Variants in TBXAS1 observed in about 807,000 individuals in gnomAD.
TBXAS1 encodes thromboxane A synthase 1.
TBXAS1 carries 48 observed loss-of-function variants against 60.7 expected under a neutral mutation model. The observed-to-expected ratio is 0.79, with a 90% CI of 0.63 to 1.01. The LOEUF (loss-of-function observed/expected upper bound fraction) is 1.01, where lower values mean the gene tolerates loss of function less well. Among genes scored for constraint, TBXAS1 ranks in the 50% least tolerant of loss-of-function variants. The pLI is 0.00. For missense variants in TBXAS1, 685 were observed against 686.3 expected, an observed-to-expected ratio of 1.00 and a Z score of 0.02; for synonymous variants, 287 against 269.7, an observed-to-expected ratio of 1.06 and a Z score of -0.63.
intron 9 of TBXAS1, among the ~76,000 whole-genome samples, chr7:139,968,706 AC>A (rs1810974822): frequency 6.6e-6 from 1 of 152,160 alleles, no homozygotes; most frequent in African/African-American, 2.4e-5. Flanking sequence ...CTCTTGTCCC[AC>A]CATCAAAATT....
chr7:139,905,105 CTT>C (rs1164299705), intron 3 of TBXAS1, among the ~76,000 whole-genome samples: 2 of 148,966 alleles, frequency 1.3e-5, no homozygotes, highest in East Asian at 2.0e-4. Flanking sequence ...CTCTCTCTCT[CTT>C]TCTTTCTCTT....
intron 1 of TBXAS1, among the ~76,000 whole-genome samples, chr7:139,831,352 C>T (rs562230277): frequency 3.3e-5 from 5 of 152,228 alleles, no homozygotes; most frequent in East Asian, 3.9e-4. Flanking sequence ...CCTTCTGTTC[C>T]GGGTGAGACT....
At chr7:139,904,442 T>C (rs1804815756) in intron 3 of TBXAS1, among the ~76,000 whole-genome samples, 1 of 151,116 alleles carries the variant, frequency 6.6e-6, no homozygotes, top group Admixed American at 6.6e-5. Context: ...CTTTTTTGGT[T>C]CCATATGCAT....
chr7:139,795,984 G>A (rs2116335586), intron 4 of TBXAS1, among the ~76,000 whole-genome samples: 1 of 152,216 alleles, frequency 6.6e-6, no homozygotes, highest in Middle Eastern at 3.4e-3. Flanking sequence ...CCTTAAGAAT[G>A]TGATGAATGC....
intron 9 of TBXAS1, among the ~76,000 whole-genome samples, chr7:139,967,818 GC>G (rs1810903975): frequency 6.6e-6 from 1 of 152,160 alleles, no homozygotes. Flanking sequence ...AGAATCTGTG[GC>G]CCCCAGATTA....
intron 9 of TBXAS1, among the ~76,000 whole-genome samples, chr7:140,001,672 G>T (rs752392921): frequency 2.6e-4 from 39 of 152,146 alleles, no homozygotes; most frequent in Non-Finnish European, 2.1e-4. Context: ...GATTATGGGC[G>T]TGAGCCACCG....
intron 4 of TBXAS1, among the ~76,000 whole-genome samples, chr7:139,814,455 G>A (rs77558918): frequency 0.097 from 14,711 of 152,188 alleles, 834 homozygotes; most frequent in Non-Finnish European, 0.13. Flanking sequence ...AAGCTTGATT[G>A]TATCCAGTTG....
chr7:139,888,557 G>A (rs1405827140), intron 3 of TBXAS1, among the ~76,000 whole-genome samples: 1 of 152,026 alleles, frequency 6.6e-6, no homozygotes, highest in Admixed American at 6.6e-5. Flanking sequence ...CCTGCTTCAT[G>A]ACTGTTCATG....
At chr7:139,844,788 G>A (rs1057499535) in intron 1 of TBXAS1, among the ~76,000 whole-genome samples, 1 of 152,152 alleles carries the variant, frequency 6.6e-6, no homozygotes, top group African/African-American at 2.4e-5. Context: ...ATCTAAGAGC[G>A]TACCTAAGGA....
intron 8 of TBXAS1, among the ~76,000 whole-genome samples, 192 bp downstream of exon 8, chr7:139,957,956 G>A (rs1810011840): frequency 6.6e-6 from 1 of 152,140 alleles, no homozygotes; most frequent in African/African-American, 2.4e-5. Flanking sequence ...AAGAAAGGGA[G>A]GGTGGGACGG....
chr7:140,012,136 C>T (rs1269725871), intron 10 of TBXAS1, among the ~76,000 whole-genome samples: 2 of 152,176 alleles, frequency 1.3e-5, no homozygotes, highest in East Asian at 1.9e-4. Flanking sequence ...GAGGGTATCT[C>T]GAGGACAAGC....
intron 4 of TBXAS1, among the ~76,000 whole-genome samples, chr7:139,812,256 C>T (rs531346753): frequency 7.9e-5 from 12 of 152,262 alleles, no homozygotes; most frequent in East Asian, 1.9e-4. Flanking sequence ...GGCTGAATTC[C>T]GACTGAGCAA....
intron 3 of TBXAS1, among the ~76,000 whole-genome samples, chr7:139,909,215 T>C (rs977522677): frequency 6.6e-6 from 1 of 152,226 alleles, no homozygotes; most frequent in Non-Finnish European, 1.5e-5. Flanking sequence ...TTTATGTCTT[T>C]TGCAAAATTC....
intron 4 of TBXAS1, among the ~76,000 whole-genome samples, chr7:139,790,765 A>G (rs555790009): frequency 3.0e-4 from 45 of 152,322 alleles, no homozygotes; most frequent in Admixed American, 9.8e-4. Flanking sequence ...GGAATGTGTA[A>G]TAAGTGACTG....
intron 2 of TBXAS1, among the ~76,000 whole-genome samples, chr7:139,873,364 C>G (rs1318061850): frequency 6.6e-6 from 1 of 152,138 alleles, no homozygotes; most frequent in Non-Finnish European, 1.5e-5. Flanking sequence ...TTGAAATGGA[C>G]AACACTCTGC....
At chr7:139,793,048 T>A (rs1797437638) in intron 4 of TBXAS1, among the ~76,000 whole-genome samples, 1 of 152,216 alleles carries the variant, frequency 6.6e-6, no homozygotes, top group Non-Finnish European at 1.5e-5. Context: ...GGTTATCTAC[T>A]ATGGGAATGG....
intron 2 of TBXAS1, among the ~76,000 whole-genome samples, chr7:139,873,489 G>A (rs1801983450): frequency 6.6e-6 from 1 of 152,172 alleles, no homozygotes; most frequent in African/African-American, 2.4e-5. Context: ...TGGATAATTG[G>A]GAGCAAAATG....
chr7:140,006,420 G>C lies in TBXAS1; in HGVS notation c.1135-671G>C, dbSNP rs1169711758. 3.7e-4 allele frequency among the ~76,000 whole-genome samples: 56 copies of C among 152,116 alleles called. 1 individual carries two copies. Among genetic ancestry groups the C allele is most frequent in the Admixed American group, 3.7e-3 (56 of 15,264 alleles). Reference sequence around the variant, plus strand: ...ATTTGCACCCCCTGAAATCTAATCAGCATTTTCCAGCTGTTCCTAATCTGA... The same window carrying C: ...ATTTGCACCCCCTGAAATCTAATCACCATTTTCCAGCTGTTCCTAATCTGA... On this transcript the variant is annotated intron_variant, in intron 9 of 12. Transcript: ENST00000448866.
intron 9 of TBXAS1, chr7:139,962,860 G>C (rs1479478031): frequency 6.5e-6 from 1 of 154,548 alleles, no homozygotes; most frequent in African/African-American, 2.4e-5. Context: ...ATGCTTGTGT[G>C]TGTATAACTT....
Sources: allele counts gnomAD v4.1 joint callset (sites outside exome capture counted in the v4.1 genomes callset), GRCh38; gene constraint gnomAD v4.1.1; transcripts MANE v1.5; gene names NCBI Gene and HGNC (gene_info 2026-07-23, HGNC 2026-07-21).